Variants in FHIT observed in about 807,000 individuals in gnomAD.
FHIT encodes the protein bis(5'-adenosyl)-triphosphatase.
A neutral mutation model predicts 17.9 loss-of-function variants in FHIT; 19 were observed. The ratio of observed to expected loss-of-function variants is 1.06; its 90% CI spans 0.74 to 1.56. The LOEUF is 1.56. FHIT is among the 40% of genes most tolerant of loss of function. FHIT has a pLI of 0.00. For synonymous variants in FHIT, 81 were observed against 69.7 expected (o/e 1.16, Z -0.81); for missense variants, 248 against 189.2 (o/e 1.31, Z -1.82).
chr3:60,006,020 G>T (rs1426860634), intron 7 of FHIT, among the ~76,000 whole-genome samples: 1 of 152,104 alleles, frequency 6.6e-6, no homozygotes, highest in Non-Finnish European at 1.5e-5. Flanking sequence ...CAGAGTCCTA[G>T]GCCCCACATC....
At chr3:60,288,721 G>A (rs142244450) in intron 5 of FHIT, among the ~76,000 whole-genome samples, 1,790 of 152,000 alleles carry the variant, frequency 0.012, 36 homozygotes, top group African/African-American at 0.04. Flanking sequence ...AGGATTATGA[G>A]AATACAGATT....
chr3:60,106,883 C>G (rs954370613), intron 5 of FHIT, among the ~76,000 whole-genome samples: 7 of 152,120 alleles, frequency 4.6e-5, no homozygotes, highest in Non-Finnish European at 8.8e-5. Context: ...GTATTTTATC[C>G]TTTTTAATTT....
Position 59,850,488 on chromosome 3 carries a change from G to A in FHIT, c.348+71858C>T, listed in dbSNP as rs9833203. ...CCTAAGCCCTCCAATAAAAAATGTG[G>A]TATATCCCTGCACTTAAATTACGCA... On this transcript the variant is annotated intron_variant, in intron 8 of 9. Transcript: ENST00000492590. Among the ~76,000 whole-genome samples, 363 of 152,174 alleles carry A rather than the reference G, an allele frequency of 2.4e-3. 4 individuals are homozygous for A. The highest frequency in any genetic ancestry group is 8.4e-3 in the African/African-American group (349 of 41,502).
intron 2 of FHIT, among the ~76,000 whole-genome samples, chr3:61,086,547 G>T (rs1182121866): frequency 6.6e-6 from 1 of 151,988 alleles, no homozygotes; most frequent in African/African-American, 2.4e-5. Flanking sequence ...AGCTTTTCAG[G>T]TCTTTGTCAT....
intron 2 of FHIT, among the ~76,000 whole-genome samples, chr3:61,095,909 T>C (rs1399670416): frequency 6.6e-6 from 1 of 152,158 alleles, no homozygotes; most frequent in Non-Finnish European, 1.5e-5. Context: ...ATGCCTCCAT[T>C]CCTGGCTCAA....
At chr3:60,225,003 G>T (rs1175813034) in intron 5 of FHIT, among the ~76,000 whole-genome samples, 1 of 152,128 alleles carries the variant, frequency 6.6e-6, no homozygotes, top group Non-Finnish European at 1.5e-5. Context: ...TTACAGGAAT[G>T]AGCCACCACG....
At chr3:60,188,530 TA>T in intron 5 of FHIT, among the ~76,000 whole-genome samples, 1 of 152,260 alleles carries the variant, frequency 6.6e-6, no homozygotes, top group African/African-American at 2.4e-5. Context: ...AAGAAACCAT[TA>T]ATGAGTAGTG....
chr3:60,532,126 G>C (rs959580888), intron 5 of FHIT, among the ~76,000 whole-genome samples: 1 of 152,130 alleles, frequency 6.6e-6, no homozygotes, highest in Non-Finnish European at 1.5e-5. Flanking sequence ...TCAATAAACT[G>C]TTGACGTATG....
At chr3:60,294,253 A>C (rs1371358056) in intron 5 of FHIT, among the ~76,000 whole-genome samples, 1 of 152,180 alleles carries the variant, frequency 6.6e-6, no homozygotes, top group Non-Finnish European at 1.5e-5. Context: ...TAAATAACAT[A>C]ACAGATTCAC....
chr3:60,227,553 G>A (rs1349187111), intron 5 of FHIT, among the ~76,000 whole-genome samples: 2 of 152,126 alleles, frequency 1.3e-5, no homozygotes, highest in Non-Finnish European at 2.9e-5. Flanking sequence ...CTTCTGTTCA[G>A]TGATTTCCTG....
chr3:60,363,047 T>C (rs192738771), intron 5 of FHIT, among the ~76,000 whole-genome samples: 35 of 152,192 alleles, frequency 2.3e-4, no homozygotes, highest in Non-Finnish European at 4.6e-4. Flanking sequence ...ATGTTCATTA[T>C]AGGAGCTGAA....
chr3:61,064,084 T>C (rs529706736), intron 2 of FHIT, among the ~76,000 whole-genome samples: 1 of 152,302 alleles, frequency 6.6e-6, no homozygotes, highest in Admixed American at 6.5e-5. Context: ...TGAAACGTAC[T>C]GGTCTCAGCC....
intron 5 of FHIT, among the ~76,000 whole-genome samples, chr3:60,270,927 T>A (rs534810576): frequency 6.6e-6 from 1 of 152,168 alleles, no homozygotes; most frequent in African/African-American, 2.4e-5. Context: ...GAAAGGGCAT[T>A]AAAAGACAAC....
intron 4 of FHIT, among the ~76,000 whole-genome samples, chr3:60,566,102 T>G (rs889314194): frequency 1.3e-5 from 2 of 152,168 alleles, no homozygotes; most frequent in African/African-American, 4.8e-5. Flanking sequence ...GAATTCTAGT[T>G]TGATTGCCCT....
At chr3:61,122,418 G>A (rs1331579206) in intron 2 of FHIT, among the ~76,000 whole-genome samples, 1 of 152,012 alleles carries the variant, frequency 6.6e-6, no homozygotes, top group Admixed American at 6.6e-5. Flanking sequence ...GAAAACCTAG[G>A]CAATACCATT....
At chr3:60,862,231 T>G (rs921790107) in intron 3 of FHIT, among the ~76,000 whole-genome samples, 3 of 152,072 alleles carry the variant, frequency 2.0e-5, no homozygotes, top group Admixed American at 6.6e-5. Context: ...CAGGCTGGAG[T>G]GCGGCAGTGA....
At chr3:60,399,178 AG>A (rs1259242834) in intron 5 of FHIT, among the ~76,000 whole-genome samples, 1 of 152,182 alleles carries the variant, frequency 6.6e-6, no homozygotes, top group Non-Finnish European at 1.5e-5. Context: ...ACCTATAAAA[AG>A]TTTCCTCTTA....
intron 4 of FHIT, among the ~76,000 whole-genome samples, chr3:60,595,103 C>A (rs1476269700): frequency 6.6e-6 from 1 of 152,032 alleles, no homozygotes; most frequent in African/African-American, 2.4e-5. Flanking sequence ...TATAAAGAAG[C>A]AACAGTCTGG....
chr3:60,254,214 T>C (rs962301652), intron 5 of FHIT, among the ~76,000 whole-genome samples: 13 of 152,144 alleles, frequency 8.5e-5, no homozygotes, highest in African/African-American at 3.1e-4. Flanking sequence ...ACCTAACCCT[T>C]GTGTGAGGTA....
Sources: allele counts gnomAD v4.1 joint callset (sites outside exome capture counted in the v4.1 genomes callset), GRCh38; gene constraint gnomAD v4.1.1; transcripts MANE v1.5; gene names NCBI Gene and HGNC (gene_info 2026-07-23, HGNC 2026-07-21).